The following PTH2R variants were observed in gnomAD, a reference collection of about 807,000 sequenced individuals.
PTH2R encodes the protein parathyroid hormone 2 receptor.
A neutral mutation model predicts 60.3 loss-of-function variants in PTH2R; 59 were observed. The observed-to-expected ratio is 0.98, with a 90% CI of 0.79 to 1.22. The LOEUF is 1.22. PTH2R is among the 50% of genes most tolerant of loss of function. The pLI is 0.00. For synonymous variants in PTH2R, 256 were observed against 243.8 expected, an observed-to-expected ratio of 1.05 and a Z score of -0.47; for missense variants, 749 against 682.6, an observed-to-expected ratio of 1.10 and a Z score of -1.08.
At chr2:208,471,063 C>A (rs976372186) in intron 9 of PTH2R, among the ~76,000 whole-genome samples, 6 of 152,078 alleles carry the variant, frequency 3.9e-5, no homozygotes, top group African/African-American at 1.4e-4. Context: ...AGGTATCTGG[C>A]AGAAGAAATT....
chr2:208,409,745 G>C (rs1474115682), intron 1 of PTH2R, among the ~76,000 whole-genome samples: 1 of 152,134 alleles, frequency 6.6e-6, no homozygotes, highest in Non-Finnish European at 1.5e-5. Flanking sequence ...TCAAAGCACA[G>C]TTCAAAACCC....
At chr2:208,376,027 T>G (rs1343460282) in intron 1 of PTH2R, among the ~76,000 whole-genome samples, 1 of 152,140 alleles carries the variant, frequency 6.6e-6, no homozygotes, top group Non-Finnish European at 1.5e-5. Context: ...ACACACATAA[T>G]AAATACCCAT....
At chr2:208,364,045 G>A (rs1700532166) in intron 1 of PTH2R, among the ~76,000 whole-genome samples, 1 of 151,910 alleles carries the variant, frequency 6.6e-6, no homozygotes, top group Admixed American at 6.5e-5. Flanking sequence ...TGTTTTTGTT[G>A]CTTTGTCCAT....
chr2:208,440,402 T>C (rs1702158874), intron 4 of PTH2R, among the ~76,000 whole-genome samples: 1 of 152,232 alleles, frequency 6.6e-6, no homozygotes, highest in African/African-American at 2.4e-5. Context: ...CTATGAAAAG[T>C]TTTACTATTT....
At chr2:208,447,669 TGAA>T (rs1480489932) in intron 7 of PTH2R, among the ~76,000 whole-genome samples, 9 of 150,784 alleles carry the variant, frequency 6.0e-5, no homozygotes, top group Non-Finnish European at 1.0e-4. Flanking sequence ...AATGACAATC[TGAA>T]GAAGAATAGG....
At chr2:208,457,669 G>A (rs1702541366) in intron 8 of PTH2R, among the ~76,000 whole-genome samples, 1 of 152,164 alleles carries the variant, frequency 6.6e-6, no homozygotes, top group Non-Finnish European at 1.5e-5. Flanking sequence ...GGTAATAAAA[G>A]GTGTTATCTG....
At chr2:208,426,823 C>CA (rs1397159821) in intron 1 of PTH2R, among the ~76,000 whole-genome samples, 1 of 152,150 alleles carries the variant, frequency 6.6e-6, no homozygotes, top group Non-Finnish European at 1.5e-5. Context: ...TTTCCTTACC[C>CA]AGTCTTGGGT....
intron 1 of PTH2R, 36 bp from the exon 2 acceptor site, chr2:208,428,165 A>G (rs1336959333): frequency 2.0e-6 from 3 of 1,499,182 alleles, no homozygotes; most frequent in East Asian, 2.3e-5. Flanking sequence ...TTGAAAAAAC[A>G]TGATGAAAAT....
intron 1 of PTH2R, among the ~76,000 whole-genome samples, chr2:208,427,754 T>G (rs2105853830): frequency 6.6e-6 from 1 of 152,212 alleles, no homozygotes; most frequent in Admixed American, 6.5e-5. Flanking sequence ...TCTGTTCCTC[T>G]GGAACCAACC....
intron 4 of PTH2R, among the ~76,000 whole-genome samples, chr2:208,441,636 G>A (rs1201122745): frequency 1.3e-5 from 2 of 152,216 alleles, no homozygotes; most frequent in African/African-American, 4.8e-5. Flanking sequence ...ACAGAAAACA[G>A]ATTAATGGTT....
Position 208,489,120 on chromosome 2 carries a change from G to T in PTH2R, c.1185G>T (p.Met395Ile). The T allele has an allele frequency of 6.2e-7, 1 of 1,614,138 alleles. No individual in the cohort carries two copies. Among genetic ancestry groups the T allele is most frequent in the African/African-American group, 1.3e-5 (1 of 75,026 alleles). ...SFTGLGWEIR[M>I]HCELFFNSFQ... ...CTGGGCTCGGGTGGGAGATCCGCAT[G>T]CACTGTGAGCTCTTCTTCAACTCCT... Residue 395 changes from methionine (M) to isoleucine (I), a missense_variant, in exon 11 of 13, where the codon ATG (methionine) becomes ATT (isoleucine). Transcript: ENST00000272847.
At chr2:208,463,811 C>G (rs1482429674) in intron 9 of PTH2R, among the ~76,000 whole-genome samples, 1 of 152,224 alleles carries the variant, frequency 6.6e-6, no homozygotes, top group Non-Finnish European at 1.5e-5. Context: ...AGTGGCTGTT[C>G]AGACCTGAGG....
intron 6 of PTH2R, among the ~76,000 whole-genome samples, chr2:208,444,295 A>G (rs915934456): frequency 2.6e-5 from 4 of 152,214 alleles, no homozygotes; most frequent in Admixed American, 2.0e-4. Context: ...TTTCTAAGAT[A>G]TGTTAAATGT....
In PTH2R at chr2:208,493,750, C is replaced by G; in HGVS notation, c.*91C>G. 1 of 1,381,940 alleles carries G rather than the reference C, an allele frequency of 7.2e-7. No homozygotes were observed. The highest frequency in any genetic ancestry group is 9.6e-7 in the Non-Finnish European group (1 of 1,037,804). 85.6% of individuals were successfully genotyped at this position (1,381,940 alleles called of 1,614,324 possible). Reference sequence around the variant, plus strand: ...ATACTCCTATGCTTGAGTTCAAAGGCTGAAAATTCAGTTAAGGTGTTACTT... The same window carrying G: ...ATACTCCTATGCTTGAGTTCAAAGGGTGAAAATTCAGTTAAGGTGTTACTT... On this transcript the variant is annotated 3_prime_UTR_variant, in exon 13 of 13. Transcript: ENST00000272847.
chr2:208,371,527 A>G (rs968668827), intron 1 of PTH2R, among the ~76,000 whole-genome samples: 1 of 152,100 alleles, frequency 6.6e-6, no homozygotes, highest in Non-Finnish European at 1.5e-5. Flanking sequence ...TTCTCCTGTT[A>G]ATGTATTTTC....
chr2:208,490,650 G>T lies in PTH2R; in HGVS notation c.1227G>T (p.Val409=). 1 of 1,610,580 alleles carries T rather than the reference G, an allele frequency of 6.2e-7. No homozygotes were observed. Among genetic ancestry groups the T allele is most frequent in the South Asian group, 1.1e-5 (1 of 90,254 alleles). Residue 409 remains valine (V), a synonymous_variant, in exon 12 of 13, where the codon GTG becomes GTT. Transcript: ENST00000272847. ...TCTTTTGTCTGCAGGGTTTCTTTGT[G>T]TCTATCATCTACTGCTACTGCAATG... is the stretch of plus-strand genomic sequence containing the variant. ...LFFNSFQGFF[V]SIIYCYCNGE... is the part of the protein sequence containing the mutation.
At chr2:208,486,494 C>T (rs1296876181) in intron 10 of PTH2R, among the ~76,000 whole-genome samples, 2 of 152,186 alleles carry the variant, frequency 1.3e-5, no homozygotes, top group African/African-American at 2.4e-5. Context: ...TAATTTTGGG[C>T]TCCTAGTCAT....
At position 208,493,317 on chromosome 2, in the gene PTH2R, G is replaced by C. The variant is rs1364757358; in HGVS notation, c.1311G>C (p.Trp437Cys). 2 of 1,543,336 alleles carry C rather than the reference G, an allele frequency of 1.3e-6. No individual in the cohort carries two copies. Among genetic ancestry groups the C allele is most frequent in the Non-Finnish European group, 1.8e-6 (2 of 1,142,542 alleles). The change falls in exon 13 of 13, where the codon TGG (tryptophan) becomes TGC (cysteine). Residue 437 changes from tryptophan to cysteine, a missense_variant. Transcript: ENST00000272847. The part of the protein sequence containing the change: ...MWSRWNLSVD[W>C]KRTPPCGSRR... ...GTCGGTGGAACCTCTCCGTGGACTG[G>C]AAAAGGACACCGCCATGTGGCAGCC...
chr2:208,396,731 T>C (rs1388325359), intron 1 of PTH2R, among the ~76,000 whole-genome samples: 1 of 152,172 alleles, frequency 6.6e-6, no homozygotes, highest in Non-Finnish European at 1.5e-5. Flanking sequence ...GTTCAACCAT[T>C]GTGGAAGACA....
Sources: allele counts gnomAD v4.1 joint callset (sites outside exome capture counted in the v4.1 genomes callset), GRCh38; gene constraint gnomAD v4.1.1; transcripts MANE v1.5; gene names NCBI Gene and HGNC (gene_info 2026-07-23, HGNC 2026-07-21).